The following EPHA6 variants were observed in gnomAD, a reference collection of about 807,000 sequenced individuals.
EPHA6 encodes the protein ephrin type-A receptor 6.
In EPHA6, 50 loss-of-function variants were observed where a neutral mutation model predicts 112.0. The ratio of observed to expected loss-of-function variants is 0.45; its 90% confidence interval spans 0.36 to 0.56. EPHA6 has a LOEUF of 0.56. Among genes scored for constraint, EPHA6 ranks in the 20% least tolerant of loss-of-function variants. EPHA6 has a pLI of 0.00. For synonymous variants in EPHA6, 529 were observed against 490.7 expected (o/e 1.08, Z -1.03); for missense variants, 1,280 against 1,417.4 (o/e 0.90, Z 1.56).
At chr3:96,895,752 C>A (rs1230602522) in intron 2 of EPHA6, among the ~76,000 whole-genome samples, 1 of 152,132 alleles carries the variant, frequency 6.6e-6, no homozygotes, top group Non-Finnish European at 1.5e-5. Context: ...CTAGTGTTTG[C>A]CTGTAATCCT....
chr3:96,898,633 A>T (rs939197869), intron 2 of EPHA6, among the ~76,000 whole-genome samples: 1 of 152,176 alleles, frequency 6.6e-6, no homozygotes. Context: ...GACTAGTTAA[A>T]AGTATAACCC....
Position 97,069,672 on chromosome 3 carries a change from G to A in EPHA6, c.1114+81679G>A, listed in dbSNP as rs188672059. On this transcript the variant is annotated intron_variant, in intron 3 of 17. Transcript: ENST00000389672. ...TCTAATGATGTAGCATATAACAGCT[G>A]TAAACACAATAAAGTGTTTCTGGCA... 2.1e-3 allele frequency among the ~76,000 whole-genome samples: 324 copies of A among 152,210 alleles called. 5 individuals are homozygous for A. Among genetic ancestry groups the A allele is most frequent in the Admixed American group, 0.02 (307 of 15,280 alleles).
At chr3:97,012,561 A>T (rs2044125013) in intron 3 of EPHA6, among the ~76,000 whole-genome samples, 1 of 147,526 alleles carries the variant, frequency 6.8e-6, no homozygotes, top group Non-Finnish European at 1.5e-5. Flanking sequence ...ATAAAACTAG[A>T]ATATATATAC....
At chr3:96,887,164 T>G (rs1414482861) in intron 2 of EPHA6, among the ~76,000 whole-genome samples, 3 of 152,114 alleles carry the variant, frequency 2.0e-5, no homozygotes, top group Non-Finnish European at 2.9e-5. Context: ...TTGAAGAGCC[T>G]TGTTTCTTCA....
chr3:97,225,253 C>A (rs1308526185), intron 3 of EPHA6, among the ~76,000 whole-genome samples: 4 of 152,178 alleles, frequency 2.6e-5, no homozygotes, highest in Non-Finnish European at 4.4e-5. Flanking sequence ...CCGCACCTGG[C>A]AATTTTGGGC....
intron 10 of EPHA6, among the ~76,000 whole-genome samples, chr3:97,487,612 T>C (rs181219591): frequency 1.8e-4 from 27 of 152,346 alleles, no homozygotes; most frequent in African/African-American, 5.5e-4. Context: ...TCTGTACATA[T>C]ATTCTTAACA....
chr3:97,190,774 G>A (rs944952076), intron 3 of EPHA6, among the ~76,000 whole-genome samples: 5 of 151,938 alleles, frequency 3.3e-5, no homozygotes, highest in African/African-American at 1.2e-4. Flanking sequence ...GCTAGATGAC[G>A]AGTTAGTGGG....
intron 2 of EPHA6, among the ~76,000 whole-genome samples, chr3:96,888,832 G>T (rs2037786558): frequency 6.6e-6 from 1 of 152,138 alleles, no homozygotes; most frequent in African/African-American, 2.4e-5. Flanking sequence ...AGCTGGCTTG[G>T]ATTTCTCCTC....
chr3:97,094,753 C>T (rs2047185151), intron 3 of EPHA6, among the ~76,000 whole-genome samples: 2 of 152,054 alleles, frequency 1.3e-5, no homozygotes, highest in Admixed American at 6.6e-5. Flanking sequence ...TTTTAAAAGG[C>T]TTCAACATTT....
intron 5 of EPHA6, among the ~76,000 whole-genome samples, chr3:97,273,472 G>A (rs2079961555): frequency 1.3e-5 from 2 of 152,164 alleles, no homozygotes; most frequent in African/African-American, 2.4e-5. Flanking sequence ...CTGGAATGAG[G>A]CTGGGGCCTA....
intron 2 of EPHA6, among the ~76,000 whole-genome samples, chr3:96,872,361 G>A (rs1489740758): frequency 2.0e-5 from 3 of 152,050 alleles, no homozygotes; most frequent in Non-Finnish European, 2.9e-5. Flanking sequence ...GGAACACATT[G>A]TAGGATAGAA....
intron 7 of EPHA6, among the ~76,000 whole-genome samples, chr3:97,451,669 A>G (rs981100544): frequency 1.3e-5 from 2 of 150,696 alleles, no homozygotes; most frequent in Non-Finnish European, 2.9e-5. Context: ...GAGAATTTCA[A>G]TGAATAATGC....
At chr3:97,123,666 G>C (rs193037490) in intron 3 of EPHA6, among the ~76,000 whole-genome samples, 2 of 151,968 alleles carry the variant, frequency 1.3e-5, no homozygotes, top group East Asian at 1.9e-4. Flanking sequence ...AGAGAGAAAG[G>C]GTCAATAGAC....
intron 3 of EPHA6, among the ~76,000 whole-genome samples, chr3:97,170,567 T>C (rs2076670970): frequency 6.6e-6 from 1 of 151,960 alleles, no homozygotes; most frequent in African/African-American, 2.4e-5. Flanking sequence ...CAAAACCTCA[T>C]CTCTACTAAA....
At chr3:97,666,027 AG>A (rs140153016) in intron 14 of EPHA6, among the ~76,000 whole-genome samples, 3,886 of 151,422 alleles carry the variant, frequency 0.026, 150 homozygotes, top group African/African-American at 0.089. Flanking sequence ...GTTACACTCC[AG>A]CTGGGGAGAC....
chr3:97,079,637 T>G (rs576591546), intron 3 of EPHA6, among the ~76,000 whole-genome samples: 3 of 150,106 alleles, frequency 2.0e-5, no homozygotes, highest in East Asian at 1.9e-4. Context: ...ACCACAGGGT[T>G]TGAGAGGGTT....
intron 5 of EPHA6, among the ~76,000 whole-genome samples, chr3:97,394,791 A>T (rs1425632178): frequency 6.6e-6 from 1 of 151,784 alleles, no homozygotes; most frequent in Non-Finnish European, 1.5e-5. Flanking sequence ...GATTGCAAGG[A>T]TATAGAAAAG....
chr3:97,478,044 A>G (rs61432720), intron 8 of EPHA6, among the ~76,000 whole-genome samples: 28,811 of 151,974 alleles, frequency 0.19, 4,114 homozygotes, highest in African/African-American at 0.38. Context: ...ATGTGCACAC[A>G]TATGTTTATG....
At chr3:97,705,268 C>A (rs574151460) in intron 14 of EPHA6, among the ~76,000 whole-genome samples, 46 of 152,136 alleles carry the variant, frequency 3.0e-4, no homozygotes, top group African/African-American at 9.4e-4. Flanking sequence ...CCCACATTTC[C>A]CATCCCCTCC....
Sources: allele counts gnomAD v4.1 joint callset (sites outside exome capture counted in the v4.1 genomes callset), GRCh38; gene constraint gnomAD v4.1.1; transcripts MANE v1.5; gene names NCBI Gene and HGNC (gene_info 2026-07-23, HGNC 2026-07-21).